Variants in PPP1R12B observed in about 807,000 individuals in gnomAD.
PPP1R12B encodes myosin phosphatase target subunit 2.
Under a neutral mutation model 126.1 loss-of-function variants are expected in PPP1R12B, and 76 were observed. That is an observed-to-expected ratio of 0.60 (90% CI 0.50 to 0.73). PPP1R12B has a LOEUF of 0.73. Ranked by LOEUF, PPP1R12B falls within the 30% of genes least tolerant of loss-of-function variation. The pLI is 0.00. For synonymous variants in PPP1R12B, 356 were observed against 434.7 expected, an observed-to-expected ratio of 0.82 and a Z score of 2.25; for missense variants, 1,052 against 1,205.1, an observed-to-expected ratio of 0.87 and a Z score of 1.88.
intron 1 of PPP1R12B, among the ~76,000 whole-genome samples, chr1:202,382,849 C>T (rs1189426631): frequency 6.7e-6 from 1 of 150,124 alleles, no homozygotes; most frequent in Non-Finnish European, 1.5e-5. Flanking sequence ...GCCCTCCAGC[C>T]TGGGGGACAG....
chr1:202,379,846 TAAAG>T (rs1328986246), intron 1 of PPP1R12B, among the ~76,000 whole-genome samples: 1 of 152,196 alleles, frequency 6.6e-6, no homozygotes, highest in African/African-American at 2.4e-5. Context: ...TGAGGACAAT[TAAAG>T]AAAAATACAG....
intron 1 of PPP1R12B, among the ~76,000 whole-genome samples, chr1:202,359,832 C>G (rs926627011): frequency 6.6e-6 from 1 of 152,052 alleles, no homozygotes; most frequent in African/African-American, 2.4e-5. Flanking sequence ...AAACAAATTT[C>G]ATTGGCACAC....
intron 20 of PPP1R12B, among the ~76,000 whole-genome samples, chr1:202,563,939 C>G (rs1572522001): frequency 1.3e-5 from 2 of 152,160 alleles, no homozygotes; most frequent in South Asian, 4.2e-4. Context: ...CATGGTGGCT[C>G]ATGCCTGTAG....
intron 2 of PPP1R12B, among the ~76,000 whole-genome samples, chr1:202,418,438 G>A (rs1215218576): frequency 6.6e-6 from 1 of 151,002 alleles, no homozygotes; most frequent in Admixed American, 6.6e-5. Flanking sequence ...ATCCTCCTGT[G>A]TGTGAAGCTA....
At chr1:202,355,682 T>C (rs1656943981) in intron 1 of PPP1R12B, among the ~76,000 whole-genome samples, 1 of 152,136 alleles carries the variant, frequency 6.6e-6, no homozygotes, top group Admixed American at 6.5e-5. Context: ...AGCAGTATTT[T>C]AGGATTCTGA....
intron 1 of PPP1R12B, among the ~76,000 whole-genome samples, chr1:202,394,112 G>A (rs1344199979): frequency 6.6e-6 from 1 of 152,098 alleles, no homozygotes; most frequent in Non-Finnish European, 1.5e-5. Context: ...GCTGAGGCAG[G>A]CAGATCACGA....
rs1690143039 is a variant in PPP1R12B at position 202,592,174 on chromosome 1, G to C, written c.*11614G>C. 1 of 152,792 alleles carries C rather than the reference G, an allele frequency of 6.5e-6. No individual in the cohort carries two copies. The highest frequency in any genetic ancestry group is 1.5e-5 in the Non-Finnish European group (1 of 68,160). The allele number at this position is 152,792 out of a possible 1,614,324, so 9.5% of individuals were successfully genotyped here. ...TGAATTCAAACAGTGGGAGGAAGGG[G>C]CACACCACACACATACACAGAACAT... On this transcript the variant is annotated 3_prime_UTR_variant, in exon 24 of 24. Coordinates refer to ENST00000608999, the MANE Select transcript of PPP1R12B (RefSeq NM_002481.4).
rs188097965 is a variant in PPP1R12B at position 202,387,846 on chromosome 1, G to T, written c.292-28941G>T. On this transcript the variant is annotated intron_variant, in intron 1 of 23. Coordinates refer to ENST00000608999, the MANE Select transcript of PPP1R12B (RefSeq NM_002481.4). ...ATAGCAGATTTGGGAAGATAGGAGT[G>T]TTGTCACTTTACCTTTAAAGCAAGT... Among the ~76,000 whole-genome samples the T allele has an allele frequency of 3.3e-5, 5 of 152,226 alleles. No individual in the cohort carries two copies. The East Asian group carries it at 9.7e-4, about 29-fold the overall frequency.
intron 13 of PPP1R12B, among the ~76,000 whole-genome samples, chr1:202,465,318 A>G (rs570250655): frequency 1.1e-3 from 171 of 152,316 alleles, no homozygotes; most frequent in African/African-American, 4.0e-3. Flanking sequence ...TTTGTATACC[A>G]TGAGCTTGGC....
intron 18 of PPP1R12B, among the ~76,000 whole-genome samples, chr1:202,553,075 A>G (rs1686486837): frequency 6.6e-6 from 1 of 152,222 alleles, no homozygotes. Flanking sequence ...TTCTTTTATT[A>G]GAAACAGGCC....
At position 202,355,312 on chromosome 1, in the gene PPP1R12B, G is replaced by A. The variant is rs558522079; in HGVS notation, c.291+6170G>A. Among the ~76,000 whole-genome samples the A allele has an allele frequency of 3.9e-5, 6 of 152,150 alleles. No individual in the cohort carries two copies. The South Asian group carries it at 1.2e-3, about 32-fold the overall frequency. On this transcript the variant is annotated intron_variant, in intron 1 of 23. Transcript: ENST00000608999. The stretch of plus-strand genomic sequence containing the variant: ...TAAGTCTGTACTAGAGTATATATGT[G>A]GTATAATTTCTGCCCTCAAGGAACT...
intron 5 of PPP1R12B, 112 bp downstream of exon 5, chr1:202,427,296 A>G: frequency 1.4e-6 from 2 of 1,437,580 alleles, no homozygotes; most frequent in Non-Finnish European, 1.9e-6. Context: ...AATATACATC[A>G]CTGGTAGCTA....
intron 18 of PPP1R12B, among the ~76,000 whole-genome samples, chr1:202,535,622 GT>G (rs1684458346): frequency 6.6e-6 from 1 of 152,118 alleles, no homozygotes; most frequent in African/African-American, 2.4e-5. Context: ...ACGCCCTAAA[GT>G]TTATAGACTT....
At chr1:202,399,495 C>T (rs1327680022) in intron 1 of PPP1R12B, among the ~76,000 whole-genome samples, 2 of 151,828 alleles carry the variant, frequency 1.3e-5, no homozygotes, top group Non-Finnish European at 2.9e-5. Flanking sequence ...GTGTGAGCCA[C>T]CGCACCTTTT....
At chr1:202,571,016 A>G (rs993605370) in intron 23 of PPP1R12B, among the ~76,000 whole-genome samples, 1 of 152,218 alleles carries the variant, frequency 6.6e-6, no homozygotes, top group African/African-American at 2.4e-5. Context: ...TTCAAGGAGT[A>G]CCTGGGAGCC....
chr1:202,511,453 A>G (rs1353118242), intron 18 of PPP1R12B, among the ~76,000 whole-genome samples: 1 of 151,828 alleles, frequency 6.6e-6, no homozygotes, highest in Admixed American at 6.6e-5. Context: ...TCCTGACCTC[A>G]TGATCCACCT....
rs1572272579 is a variant in PPP1R12B, at chr1:202,495,373, A to G, written c.2226A>G (p.Ser742=). 3.7e-6 allele frequency: 6 copies of G among 1,605,186 alleles called. No individual in the cohort carries two copies. ...CATCTCCTTCTACGTCAAGACCCTC[A>G]CTCTACACCAGTTCCCACCTGCTAT... The part of the protein sequence containing the change: ...TPASPSTSRP[S]LYTSSHLLWT... The change falls in exon 16 of 24, where the codon TCA becomes TCG. Residue 742 remains serine, a synonymous_variant. Coordinates refer to ENST00000608999, the MANE Select transcript of PPP1R12B (RefSeq NM_002481.4).
At chr1:202,445,489 A>G (rs1018154823) in intron 12 of PPP1R12B, among the ~76,000 whole-genome samples, 7 of 152,292 alleles carry the variant, frequency 4.6e-5, no homozygotes, top group African/African-American at 1.4e-4. Context: ...TCCCTCAACA[A>G]CCTAACCAGT....
At chr1:202,538,897 C>T (rs1486033178) in intron 18 of PPP1R12B, among the ~76,000 whole-genome samples, 2 of 152,248 alleles carry the variant, frequency 1.3e-5, no homozygotes, top group East Asian at 3.9e-4. Context: ...TCTTTCTTTT[C>T]CCTCACCTTT....
Sources: allele counts gnomAD v4.1 joint callset (sites outside exome capture counted in the v4.1 genomes callset), GRCh38; gene constraint gnomAD v4.1.1; transcripts MANE v1.5; gene names NCBI Gene and HGNC (gene_info 2026-07-23, HGNC 2026-07-21).